The following AFMID variants were observed in gnomAD, a reference collection of about 807,000 sequenced individuals.
AFMID encodes the protein arylformamidase.
Under a neutral mutation model 47.5 loss-of-function variants are expected in AFMID, and 39 were observed. That is an observed-to-expected ratio of 0.82 (90% confidence interval 0.64 to 1.07). The LOEUF (loss-of-function observed/expected upper bound fraction) is 1.07, where lower values mean the gene tolerates loss of function less well. Ranked by LOEUF, AFMID falls within the 50% of genes least tolerant of loss-of-function variation. The pLI is 0.00. For synonymous variants in AFMID, 130 were observed against 153.2 expected, an observed-to-expected ratio of 0.85 and a Z score of 1.12; for missense variants, 375 against 387.5, an observed-to-expected ratio of 0.97 and a Z score of 0.27.
intron 1 of AFMID, 132 bp from the exon 2 acceptor site, chr17:78,190,838 C>A: frequency 1.4e-6 from 1 of 719,150 alleles, no homozygotes; most frequent in Non-Finnish European, 2.4e-6. Context: ...GATCTGAGGG[C>A]ATCTTGGAGA....
chr17:78,187,960 C>CAAAAAAAAAAAAAAAAAA (rs34018698), intron 1 of AFMID, among the ~76,000 whole-genome samples: 8 of 56,678 alleles, frequency 1.4e-4, no homozygotes, highest in African/African-American at 2.3e-4. Flanking sequence ...GACTTAGTCT[C>CAAAAAAAAAAAAAAAAAA]AAAAAAAAAA....
rs776416429 is a variant in AFMID at position 78,187,470 on chromosome 17, C to A, written c.63+37C>A. 5.0e-6 allele frequency: 8 copies of A among 1,608,838 alleles called. No individual in the cohort carries two copies. The South Asian group carries it at 8.8e-5, about 18-fold the overall frequency. On this transcript the variant is annotated intron_variant, in intron 1 of 10. Coordinates refer to ENST00000409257, the MANE Select transcript of AFMID (RefSeq NM_001010982.5). ...GCAGGGAGGGACTAAGGGGCTGGGG[C>A]GGAGTTAGCTCATTTATTAGATTGG...
At chr17:78,198,998 C>G (rs2076181024) in intron 2 of AFMID, among the ~76,000 whole-genome samples, 1 of 152,206 alleles carries the variant, frequency 6.6e-6, no homozygotes, top group African/African-American at 2.4e-5. Context: ...TCCACCCTGC[C>G]AGTTTCACTT....
In AFMID at chr17:78,205,129, C is replaced by G. The variant is rs559632818; in HGVS notation, c.504C>G (p.His168Gln). 345 of 1,612,880 alleles carry G rather than the reference C, an allele frequency of 2.1e-4. 5 individuals carry two copies. The South Asian group carries it at 3.6e-3, about 17-fold the overall frequency. ...TGTGTGGACACTCAGCCGGGGCCCA[C>G]CTGGCTGCCATGATGCTCCTGGCCG... ...IYLCGHSAGA[H>Q]LAAMMLLADW... The change falls in exon 7 of 11, where the codon CAC (histidine) becomes CAG (glutamine). Residue 168 changes from histidine (H) to glutamine (Q), a missense_variant. Coordinates refer to ENST00000409257, the MANE Select transcript of AFMID (RefSeq NM_001010982.5).
intron 10 of AFMID, 30 bp downstream of exon 10, chr17:78,206,080 T>C (rs1244196785): frequency 6.3e-7 from 1 of 1,594,890 alleles, no homozygotes; most frequent in Non-Finnish European, 8.6e-7. Context: ...AGCCCTTTCA[T>C]GGTAGACAGC....
At position 78,207,345 on chromosome 17, in the gene AFMID, G is replaced by A. The variant is rs1025829017; in HGVS notation, c.*408G>A. 3.5e-5 allele frequency: 6 copies of A among 171,282 alleles called. No homozygotes were observed. Among genetic ancestry groups the A allele is most frequent in the South Asian group, 3.0e-4 (3 of 9,888 alleles). The allele number at this position is 171,282 out of a possible 1,614,324, so 10.6% of individuals were successfully genotyped here. The stretch of plus-strand genomic sequence containing the variant: ...GTCACCCAGGCTGGAGTGCAGTGGC[G>A]TGATCTTGGCTCACTGCAACCTCCA... On this transcript the variant is annotated 3_prime_UTR_variant, in exon 11 of 11. Transcript: ENST00000409257.
chr17:78,192,106 C>G (rs1240789491), intron 2 of AFMID, among the ~76,000 whole-genome samples: 2 of 151,886 alleles, frequency 1.3e-5, no homozygotes, highest in Non-Finnish European at 2.9e-5. Flanking sequence ...TCAAGTGCTT[C>G]TCCTGCCTCA....
chr17:78,191,604 C>T (rs1459047134), intron 2 of AFMID, among the ~76,000 whole-genome samples: 1 of 150,934 alleles, frequency 6.6e-6, no homozygotes, highest in Non-Finnish European at 1.5e-5. Flanking sequence ...ACCTGGGAGG[C>T]AGAGGTTGCA....
intron 2 of AFMID, among the ~76,000 whole-genome samples, chr17:78,193,370 C>CAAAAAAAA: frequency 1.5e-5 from 1 of 68,952 alleles, no homozygotes; most frequent in Non-Finnish European, 3.1e-5. Flanking sequence ...GACTCTGTCT[C>CAAAAAAAA]AAAAAAAAAA....
chr17:78,187,494 G>T, intron 1 of AFMID, 61 bp downstream of exon 1: 1 of 1,596,910 alleles, frequency 6.3e-7, no homozygotes, highest in South Asian at 1.1e-5. Context: ...TTATTAGATT[G>T]GAATTCCAAG....
chr17:78,198,767 C>T (rs113507517), intron 2 of AFMID, among the ~76,000 whole-genome samples: 7,727 of 152,142 alleles, frequency 0.051, 218 homozygotes, highest in African/African-American at 0.055. Context: ...CAAGATTGCA[C>T]CAGTGGGCTC....
intron 2 of AFMID, among the ~76,000 whole-genome samples, chr17:78,198,766 A>AC (rs2076174943): frequency 6.6e-6 from 1 of 152,054 alleles, no homozygotes; most frequent in African/African-American, 2.4e-5. Context: ...CCAAGATTGC[A>AC]CCAGTGGGCT....
At chr17:78,193,104 G>T (rs993750382) in intron 2 of AFMID, among the ~76,000 whole-genome samples, 2 of 152,084 alleles carry the variant, frequency 1.3e-5, no homozygotes, top group African/African-American at 4.8e-5. Context: ...AGGCGTGGTG[G>T]CTCATGCCTG....
chr17:78,196,357 C>A (rs2076114567), intron 2 of AFMID, among the ~76,000 whole-genome samples: 1 of 150,978 alleles, frequency 6.6e-6, no homozygotes. Context: ...AAAGCGAGAC[C>A]TTGTCTCAGA....
chr17:78,199,431 AG>A (rs1478652460), intron 2 of AFMID, among the ~76,000 whole-genome samples: 1 of 149,102 alleles, frequency 6.7e-6, no homozygotes, highest in African/African-American at 2.5e-5. Flanking sequence ...GCTGGAGTGC[AG>A]TGGTGCAATC....
chr17:78,189,830 G>GT (rs770053983), intron 1 of AFMID, among the ~76,000 whole-genome samples: 17,665 of 109,466 alleles, frequency 0.16, 1,787 homozygotes, highest in Non-Finnish European at 0.22. Flanking sequence ...TTTTCTGTTG[G>GT]TTTTTTTTTT....
chr17:78,204,473 A>C (rs1264589114), intron 4 of AFMID, among the ~76,000 whole-genome samples, 183 bp from the exon 5 acceptor site: 1 of 152,158 alleles, frequency 6.6e-6, no homozygotes, highest in Non-Finnish European at 1.5e-5. Flanking sequence ...AGTTCCCCCA[A>C]GGTCCCGTAG....
chr17:78,188,773 A>G (rs955128410), intron 1 of AFMID, among the ~76,000 whole-genome samples: 1 of 151,774 alleles, frequency 6.6e-6, no homozygotes, highest in African/African-American at 2.4e-5. Context: ...ATTTTTTTGT[A>G]TTTTTAGTAG....
chr17:78,194,768 C>T (rs188189133), intron 2 of AFMID, among the ~76,000 whole-genome samples: 5 of 152,196 alleles, frequency 3.3e-5, no homozygotes, highest in Non-Finnish European at 7.4e-5. Flanking sequence ...AATCTCGGCT[C>T]ACCGCAACCT....
Sources: gnomAD v4.1 joint callset for allele counts (sites outside exome capture counted in the v4.1 genomes callset) on GRCh38, gnomAD v4.1.1 for gene constraint, MANE v1.5 for transcripts, NCBI Gene and HGNC (gene_info 2026-07-23, HGNC 2026-07-21) for gene names.